BMP1: variants seen among roughly 807,000 people sequenced by gnomAD.
The protein encoded by BMP1 is mammalian tolloid protein.
BMP1 carries 63 observed loss-of-function variants against 116.8 expected under a neutral mutation model. The observed-to-expected ratio is 0.54, with a 90% CI of 0.44 to 0.67. The LOEUF (loss-of-function observed/expected upper bound fraction) is 0.67. Among genes scored for constraint, BMP1 ranks in the 30% least tolerant of loss-of-function variants. The pLI, the probability that BMP1 is intolerant of heterozygous loss-of-function variation, is 0.00. For missense variants in BMP1, 1,183 were observed against 1,358.9 expected (o/e 0.87, Z 2.04); for synonymous variants, 536 against 533.4 (o/e 1.00, Z -0.07).
Position 22,199,907 on chromosome 8 carries a change from C to T in BMP1, c.2108-1896C>T, listed in dbSNP as rs536298199. Among the ~76,000 whole-genome samples the T allele has an allele frequency of 5.3e-5, 8 of 152,306 alleles. No individual in the cohort carries two copies. In the East Asian group the frequency reaches 1.5e-3, roughly 29 times the overall value. On this transcript the variant is annotated intron_variant, in intron 15 of 19. Transcript: ENST00000306385. ...GTTCCCATGGCCCCTAGGGGTCTAA[C>T]CTACCTGATCCTGGGTTGGAGAAGC...
In BMP1 at chr8:22,179,458, T is replaced by A. The variant is rs575712894; in HGVS notation, c.837-247T>A. On this transcript the variant is annotated intron_variant, in intron 6 of 19. Coordinates refer to ENST00000306385, the MANE Select transcript of BMP1 (RefSeq NM_006129.5). This position sits in a 1 kb window ranked among gnomAD's most constrained non-coding sequence, Gnocchi z 4.6. ...GGTCCAAGGGCACCCTGGACCTGCA[T>A]CCCTGACCTCCCAAAGTGTTCCTGG... 1.3e-5 allele frequency among the ~76,000 whole-genome samples: 2 copies of A among 152,244 alleles called. No homozygotes were observed. The highest frequency in any genetic ancestry group is 4.8e-5 in the African/African-American group (2 of 41,530).
At chr8:22,199,433 C>G (rs1829194521) in intron 15 of BMP1, 2 of 1,239,906 alleles carry the variant, frequency 1.6e-6, no homozygotes, top group Non-Finnish European at 2.1e-6. Context: ...CTCCTCCACC[C>G]CACCCCCCTG....
intron 8 of BMP1, among the ~76,000 whole-genome samples, chr8:22,184,244 G>A (rs140922250): frequency 1.3e-5 from 2 of 152,324 alleles, no homozygotes; most frequent in African/African-American, 4.8e-5. Flanking sequence ...GCAATCGGCT[G>A]GGGTATGGCA....
intron 8 of BMP1, among the ~76,000 whole-genome samples, chr8:22,185,779 C>G (rs953814326): frequency 6.6e-6 from 1 of 151,290 alleles, no homozygotes; most frequent in African/African-American, 2.4e-5. Flanking sequence ...CTGCTATCGC[C>G]CCTGGCTAAT....
Position 22,196,746 on chromosome 8 carries a change from AC to A in BMP1, c.1839del (p.Asn614ThrfsTer138), listed in dbSNP as rs758822270. The A allele has an allele frequency of 2.5e-6, 4 of 1,611,534 alleles. No individual in the cohort carries two copies. Among genetic ancestry groups the A allele is most frequent in the South Asian group, 1.1e-5 (1 of 90,910 alleles). ...ACCAGCCCGGGCTGGCCCAAGGAGT[AC>A]CCCCCCAACAAGAACTGCATCTGGC... is the stretch of plus-strand genomic sequence containing the variant. Reference protein sequence around the residue: ...SITSPGWPKEYPPNKNCIWQL... With the variant: ...SITSPGWPKEXPPNKNCIWQL... On this transcript the variant is annotated frameshift_variant, in exon 14 of 20. Coordinates refer to ENST00000306385, the MANE Select transcript of BMP1 (RefSeq NM_006129.5). LOFTEE classifies it high-confidence loss of function.
intron 17 of BMP1, 147 bp from the exon 18 acceptor site, chr8:22,207,156 G>A (rs899855782): frequency 2.0e-5 from 27 of 1,378,274 alleles, no homozygotes; most frequent in Admixed American, 1.4e-4. Context: ...CCCTGCCTTC[G>A]CCCTATTCCT....
In BMP1 at chr8:22,212,023, G is replaced by A. The variant is rs1026747487; in HGVS notation, c.*295G>A. On this transcript the variant is annotated 3_prime_UTR_variant, in exon 20 of 20. Coordinates refer to ENST00000306385, the MANE Select transcript of BMP1 (RefSeq NM_006129.5). ...GCCCTGCCTGGTGGCAAGAGGGAAT[G>A]TCAGCAGGACCCCATCGCCATCCCT... The A allele has an allele frequency of 8.7e-6, 4 of 461,674 alleles. No individual in the cohort carries two copies. Among genetic ancestry groups the A allele is most frequent in the Admixed American group, 3.3e-5 (1 of 30,018 alleles). The allele number at this position is 461,674 out of a possible 1,614,324, so 28.6% of individuals were successfully genotyped here.
chr8:22,210,897 G>C (rs550084247), intron 19 of BMP1, among the ~76,000 whole-genome samples: 1 of 152,244 alleles, frequency 6.6e-6, no homozygotes, highest in African/African-American at 2.4e-5. Flanking sequence ...ACAACTACTC[G>C]GAATGTCCTC....
chr8:22,197,096 G>C, intron 14 of BMP1, 144 bp from the exon 15 acceptor site: 1 of 1,143,464 alleles, frequency 8.7e-7, no homozygotes. Context: ...CTTAGGGCTG[G>C]CTTGGCGAGT....
At chr8:22,186,415 T>A (rs1260333813) in intron 8 of BMP1, among the ~76,000 whole-genome samples, 5 of 152,220 alleles carry the variant, frequency 3.3e-5, no homozygotes, top group Non-Finnish European at 1.5e-5. Flanking sequence ...GTACTGGCTG[T>A]GTGGTCTTGG....
In BMP1 at chr8:22,211,676, A is replaced by C; in HGVS notation, c.2909A>C (p.His970Pro). Residue 970 changes from histidine to proline, a missense_variant, in exon 20 of 20, where the codon CAC becomes CCC. His to Pro is a moderately conservative substitution (Grantham distance 77, BLOSUM62 -2). This residue lies in a region of BMP1 where 956 missense variants were observed against 1,135.2 expected (regional missense o/e 0.84). Coordinates refer to ENST00000306385, the MANE Select transcript of BMP1 (RefSeq NM_006129.5). ...GACACCATCACCAAAAAAGGTTTCC[A>C]CCTGCGATACACCAGCACCAAGTTC... ...SDDTITKKGF[H>P]LRYTSTKFQD... 6.2e-7 allele frequency: 1 copy of C among 1,614,102 alleles called. No homozygotes were observed. The highest frequency in any genetic ancestry group is 8.5e-7 in the Non-Finnish European group (1 of 1,180,010).
rs768570264 is a variant in BMP1 at position 22,194,799 on chromosome 8, G to T, written c.1519G>T (p.Gly507Trp). Residue 507 changes from glycine to tryptophan, a missense_variant, in exon 12 of 20, where the codon GGG becomes TGG. By Grantham distance (184) the Gly-to-Trp change is radical (BLOSUM62 -2). Coordinates refer to ENST00000306385, the MANE Select transcript of BMP1 (RefSeq NM_006129.5). This position sits in a 1 kb window ranked among gnomAD's most constrained non-coding sequence, Gnocchi z 4.5. ...GCACAGTGAGAGCAGCACCCTCATCGGGCGCTACTGTGGCTATGAGAAGCC... is the reference window on the plus strand; with the variant it reads ...GCACAGTGAGAGCAGCACCCTCATCTGGCGCTACTGTGGCTATGAGAAGCC... ...DGHSESSTLIGRYCGYEKPDD... is the reference protein window; with the variant it reads ...DGHSESSTLIWRYCGYEKPDD... 7.4e-6 allele frequency: 12 copies of T among 1,614,086 alleles called. No individual in the cohort carries two copies. The highest frequency in any genetic ancestry group is 1.0e-5 in the Non-Finnish European group (12 of 1,180,018).
intron 15 of BMP1, chr8:22,198,523 G>A (rs1194496739): frequency 1.3e-5 from 2 of 153,098 alleles, no homozygotes; most frequent in Admixed American, 6.5e-5. Context: ...TGCAGTGAAG[G>A]GCAGGAGTGG....
At chr8:22,205,431 G>A (rs7005934) in intron 16 of BMP1, among the ~76,000 whole-genome samples, 17,274 of 152,064 alleles carry the variant, frequency 0.11, 1,927 homozygotes, top group African/African-American at 0.28. Flanking sequence ...CAATCGAGGA[G>A]GAAATAGTGG....
At chr8:22,211,065 G>A (rs1278320937) in intron 19 of BMP1, among the ~76,000 whole-genome samples, 2 of 152,200 alleles carry the variant, frequency 1.3e-5, no homozygotes, top group African/African-American at 4.8e-5. Flanking sequence ...GGGGCAAGGG[G>A]TAGGGATGGC....
chr8:22,207,629 G>C (rs142660250), intron 18 of BMP1, 113 bp downstream of exon 18: 1 of 1,237,202 alleles, frequency 8.1e-7, no homozygotes, highest in South Asian at 1.4e-5. Flanking sequence ...CTGCGACCCA[G>C]GGCCAGGGTT....
rs367849370 is a variant in BMP1, at chr8:22,206,854, C to T, written c.2234C>T (p.Ala745Val). 7 of 1,614,142 alleles carry T rather than the reference C, an allele frequency of 4.3e-6. No individual in the cohort carries two copies. The highest frequency in any genetic ancestry group is 5.9e-6 in the Non-Finnish European group (7 of 1,179,996). ...LHDNKHDCKE[A>V]GCDHKVTSTS... ...CCTTCCGTCACTCGCTTCCCTGCAGCCGGCTGTGACCACAAGGTGACATCC... is the reference window on the plus strand; with the variant it reads ...CCTTCCGTCACTCGCTTCCCTGCAGTCGGCTGTGACCACAAGGTGACATCC... The change falls in exon 17 of 20, where the codon GCC becomes GTC. Residue 745 changes from alanine (A) to valine (V), a missense_variant and splice_region_variant. Physicochemically the swap from Ala to Val is moderately conservative, Grantham distance 64. Coordinates refer to ENST00000306385, the MANE Select transcript of BMP1 (RefSeq NM_006129.5).
In BMP1 at chr8:22,196,536, C is replaced by T. The variant is rs537978085; in HGVS notation, c.1766-144C>T. 31 of 1,297,050 alleles carry T rather than the reference C, an allele frequency of 2.4e-5. No individual in the cohort carries two copies. The South Asian group carries it at 4.0e-4, about 17-fold the overall frequency. The allele number at this position is 1,297,050 out of a possible 1,614,324, so 80.3% of individuals were successfully genotyped here. On this transcript the variant is annotated intron_variant, in intron 13 of 19. Transcript: ENST00000306385. Reference sequence around the variant, plus strand: ...GGCCACCCTGCCTCCTCCCGTCCGCCCCAGAGGGACCAGACACAGGTCCCT... The same window carrying T: ...GGCCACCCTGCCTCCTCCCGTCCGCTCCAGAGGGACCAGACACAGGTCCCT...
intron 16 of BMP1, among the ~76,000 whole-genome samples, chr8:22,204,550 C>T (rs939273810): frequency 2.6e-5 from 4 of 152,038 alleles, no homozygotes; most frequent in Non-Finnish European, 4.4e-5. Flanking sequence ...TGGCAACACC[C>T]GTCTCCACTA....
Sources: gnomAD v4.1 joint callset for allele counts (sites outside exome capture counted in the v4.1 genomes callset) on GRCh38, gnomAD v4.1.1 for gene constraint, gnomAD v4.1.1 regional missense constraint, Gnocchi (gnomAD v3.1) non-coding constraint, MANE v1.5 for transcripts, NCBI Gene and HGNC (gene_info 2026-07-23, HGNC 2026-07-21) for gene names.